The following NRG3 variants were observed in gnomAD, a reference collection of about 807,000 sequenced individuals.
The protein encoded by NRG3 is neuregulin 3.
A neutral mutation model predicts 66.9 loss-of-function variants in NRG3; 31 were observed. The observed-to-expected ratio is 0.46, with a 90% CI of 0.35 to 0.63. The LOEUF is 0.63. NRG3 is among the 20% of genes least tolerant of loss of function. The pLI is 0.00. For synonymous variants in NRG3, 393 were observed against 359.4 expected (o/e 1.09, Z -1.06); for missense variants, 910 against 878.9 (o/e 1.04, Z -0.45).
chr10:81,976,206 G>A (rs1246084826), intron 1 of NRG3, among the ~76,000 whole-genome samples: 3 of 152,100 alleles, frequency 2.0e-5, no homozygotes, highest in Non-Finnish European at 4.4e-5. Flanking sequence ...CATACCATTG[G>A]TTGGTAATTG....
chr10:82,084,502 A>ATTT (rs11324774), intron 1 of NRG3, among the ~76,000 whole-genome samples: 39 of 145,382 alleles, frequency 2.7e-4, no homozygotes, highest in African/African-American at 6.1e-4. Flanking sequence ...CATATATGAG[A>ATTT]TTTTTTTTTT....
chr10:82,288,315 TACTG>T (rs1167826411), intron 1 of NRG3, among the ~76,000 whole-genome samples: 1 of 152,214 alleles, frequency 6.6e-6, no homozygotes, highest in African/African-American at 2.4e-5. Flanking sequence ...CTTATTTTAT[TACTG>T]AAGAAACTGA....
At chr10:82,921,358 T>C (rs1846404208) in intron 4 of NRG3, among the ~76,000 whole-genome samples, 1 of 152,134 alleles carries the variant, frequency 6.6e-6, no homozygotes, top group South Asian at 2.1e-4. Context: ...GAGGAAACTA[T>C]TAAATGTGAT....
chr10:82,797,543 C>A (rs2060851365), intron 3 of NRG3, among the ~76,000 whole-genome samples: 1 of 152,028 alleles, frequency 6.6e-6, no homozygotes, highest in South Asian at 2.1e-4. Flanking sequence ...ATTCAAAACT[C>A]CAGAAGCATC....
At chr10:82,877,999 G>A (rs1841985814) in intron 4 of NRG3, among the ~76,000 whole-genome samples, 1 of 152,134 alleles carries the variant, frequency 6.6e-6, no homozygotes, top group Non-Finnish European at 1.5e-5. Flanking sequence ...ATATGCTAGA[G>A]CTACGGTTTA....
At chr10:82,343,477 A>G (rs1052641243) in intron 1 of NRG3, among the ~76,000 whole-genome samples, 7 of 152,172 alleles carry the variant, frequency 4.6e-5, no homozygotes, top group African/African-American at 1.7e-4. Flanking sequence ...GCCCAAAGCA[A>G]TGTACATATT....
chr10:82,298,862 AG>A (rs1422732159), intron 1 of NRG3, among the ~76,000 whole-genome samples: 1 of 152,194 alleles, frequency 6.6e-6, no homozygotes, highest in South Asian at 2.1e-4. Flanking sequence ...AGAGGAATGT[AG>A]ATTCCATCTT....
chr10:82,370,587 A>T (rs2084819465), intron 2 of NRG3, among the ~76,000 whole-genome samples: 1 of 151,598 alleles, frequency 6.6e-6, no homozygotes, highest in Admixed American at 6.6e-5. Context: ...TTTGCCAGGG[A>T]ACCACCCTCT....
intron 1 of NRG3, among the ~76,000 whole-genome samples, chr10:82,310,461 C>T (rs911075610): frequency 2.0e-5 from 3 of 152,152 alleles, no homozygotes; most frequent in Non-Finnish European, 4.4e-5. Flanking sequence ...TTTTATACAA[C>T]TATGAAAGTA....
intron 1 of NRG3, among the ~76,000 whole-genome samples, chr10:82,207,192 A>G (rs191670663): frequency 1.3e-5 from 2 of 152,314 alleles, no homozygotes; most frequent in Admixed American, 6.5e-5. Context: ...TAGACAATCA[A>G]TGCAATTGTC....
At chr10:82,243,490 A>G (rs954979303) in intron 1 of NRG3, among the ~76,000 whole-genome samples, 60 of 152,160 alleles carry the variant, frequency 3.9e-4, no homozygotes, top group African/African-American at 1.3e-3. Context: ...TCATAATACT[A>G]GAGTTAAAGA....
chr10:82,539,454 A>G (rs887010169), intron 2 of NRG3, among the ~76,000 whole-genome samples: 5 of 152,184 alleles, frequency 3.3e-5, no homozygotes, highest in Non-Finnish European at 7.3e-5. Flanking sequence ...TGATATTTAC[A>G]TACATCTTTC....
At chr10:82,869,155 A>C (rs1841042627) in intron 4 of NRG3, among the ~76,000 whole-genome samples, 1 of 152,242 alleles carries the variant, frequency 6.6e-6, no homozygotes, top group South Asian at 2.1e-4. Context: ...TTGTTGTGCC[A>C]ACAATTAATC....
chr10:81,980,283 C>T (rs1023665714), intron 1 of NRG3, among the ~76,000 whole-genome samples: 1 of 151,610 alleles, frequency 6.6e-6, no homozygotes, highest in Admixed American at 6.6e-5. Context: ...TTTTATTCTG[C>T]CAATTATTAC....
In NRG3 at chr10:82,227,470, AG is replaced by A. The variant is rs1235083738; in HGVS notation, c.824-131266del. Among the ~76,000 whole-genome samples, 11 of 152,170 alleles carry A rather than the reference AG, an allele frequency of 7.2e-5. No homozygotes were observed. The East Asian group carries it at 1.9e-3, about 27-fold the overall frequency. ...GGTTTGATTAAGGGAAAAAACTTAAAGGGTTTTTCTTTTTTAACTTGCTTAT... is the reference window on the plus strand; with the variant it reads ...GGTTTGATTAAGGGAAAAAACTTAAAGGTTTTTCTTTTTTAACTTGCTTAT... On this transcript the variant is annotated intron_variant, in intron 1 of 8. Transcript: ENST00000372141.
intron 1 of NRG3, among the ~76,000 whole-genome samples, chr10:82,256,016 T>C (rs2134150515): frequency 6.6e-6 from 1 of 152,216 alleles, no homozygotes; most frequent in South Asian, 2.1e-4. Flanking sequence ...CTCCATCTCC[T>C]GGGTTCAAGT....
At chr10:82,374,991 T>A (rs2085122442) in intron 2 of NRG3, among the ~76,000 whole-genome samples, 2 of 152,244 alleles carry the variant, frequency 1.3e-5, no homozygotes, top group African/African-American at 2.4e-5. Context: ...TCATCCACGA[T>A]GGTTTTAAAA....
intron 1 of NRG3, among the ~76,000 whole-genome samples, chr10:82,288,366 C>T (rs532347353): frequency 1.1e-4 from 17 of 152,116 alleles, no homozygotes; most frequent in African/African-American, 3.9e-4. Context: ...CGGTATTATT[C>T]GGTTAGTAAA....
At chr10:82,379,515 A>G (rs1233776705) in intron 2 of NRG3, among the ~76,000 whole-genome samples, 1 of 152,140 alleles carries the variant, frequency 6.6e-6, no homozygotes, top group African/African-American at 2.4e-5. Context: ...GATAATAACA[A>G]TCCTTGCTTT....
Sources: allele counts gnomAD v4.1 joint callset (sites outside exome capture counted in the v4.1 genomes callset), GRCh38; gene constraint gnomAD v4.1.1; transcripts MANE v1.5; gene names NCBI Gene and HGNC (gene_info 2026-07-23, HGNC 2026-07-21).